The following ANPEP variants were observed in gnomAD, a reference collection of about 807,000 sequenced individuals.
The protein encoded by ANPEP is alanyl aminopeptidase, membrane.
Under a neutral mutation model 114.6 loss-of-function variants are expected in ANPEP, and 70 were observed. The ratio of observed to expected loss-of-function variants is 0.61; its 90% confidence interval spans 0.50 to 0.75. ANPEP has a LOEUF of 0.75. ANPEP is among the 30% of genes least tolerant of loss of function. The pLI, the probability that ANPEP is intolerant of heterozygous loss-of-function variation, is 0.00. For synonymous variants in ANPEP, 548 were observed against 522.3 expected (o/e 1.05, Z -0.67); for missense variants, 1,184 against 1,259.5 (o/e 0.94, Z 0.91).
chr15:89,797,474 T>C, intron 15 of ANPEP, 101 bp downstream of exon 15: 2 of 1,439,350 alleles, frequency 1.4e-6, no homozygotes, highest in Non-Finnish European at 1.8e-6. Flanking sequence ...GAAGGTTCCC[T>C]GACCAGGAGT....
In ANPEP at chr15:89,803,392, G is replaced by C. The variant is rs1894635365; in HGVS notation, c.1503+50C>G. 6.2e-7 allele frequency: 1 copy of C among 1,612,844 alleles called. No homozygotes were observed. Among genetic ancestry groups the C allele is most frequent in the African/African-American group, 1.3e-5 (1 of 75,028 alleles). On this transcript the variant is annotated intron_variant, in intron 9 of 20. Transcript: ENST00000300060. This position sits in a 1 kb window ranked among gnomAD's most constrained non-coding sequence, Gnocchi z 4.2. ...GGGCAGAGGCCCGGGTCAAGGGCGAGGGGCAGAAGGAGACCCACCCTCATG... is the reference window on the plus strand; with the variant it reads ...GGGCAGAGGCCCGGGTCAAGGGCGACGGGCAGAAGGAGACCCACCCTCATG...
chr15:89,805,566 C>A, intron 2 of ANPEP, 103 bp from the exon 3 acceptor site: 1 of 1,467,184 alleles, frequency 6.8e-7, no homozygotes, highest in Non-Finnish European at 9.2e-7. Context: ...TGGAAGGCTG[C>A]CCCAGCCTAA....
intron 14 of ANPEP, among the ~76,000 whole-genome samples, 172 bp from the exon 15 acceptor site, chr15:89,797,894 A>G (rs780820043): frequency 2.0e-5 from 3 of 152,188 alleles, no homozygotes; most frequent in Non-Finnish European, 4.4e-5. Context: ...TTTGCCATGG[A>G]AAAAGAGCTA....
At chr15:89,785,839 G>T (rs757595644) in intron 20 of ANPEP, among the ~76,000 whole-genome samples, 1 of 152,064 alleles carries the variant, frequency 6.6e-6, no homozygotes, top group Non-Finnish European at 1.5e-5. Flanking sequence ...TACCACAAAT[G>T]ATCCAGTTGC....
chr15:89,786,179 A>G (rs1314994302), intron 20 of ANPEP, among the ~76,000 whole-genome samples: 1 of 152,204 alleles, frequency 6.6e-6, no homozygotes, highest in South Asian at 2.1e-4. Context: ...CAAGAATAAA[A>G]TATTTAGGAA....
chr15:89,804,971 C>T, intron 4 of ANPEP, 107 bp downstream of exon 4: 1 of 1,516,514 alleles, frequency 6.6e-7, no homozygotes, highest in Non-Finnish European at 9.0e-7. Context: ...GGTGGGATTC[C>T]AACCCTGGCC....
chr15:89,804,931 G>C (rs1894677799), intron 4 of ANPEP, 147 bp downstream of exon 4: 1 of 1,190,484 alleles, frequency 8.4e-7, no homozygotes, highest in Non-Finnish European at 1.2e-6. Flanking sequence ...GAGAACCAGA[G>C]AACAAGACAC....
intron 1 of ANPEP, among the ~76,000 whole-genome samples, chr15:89,812,688 G>T (rs1894836857): frequency 6.6e-6 from 1 of 151,902 alleles, no homozygotes; most frequent in African/African-American, 2.4e-5. Context: ...GTGAAACTGA[G>T]CACCTACTAT....
Position 89,803,643 on chromosome 15 carries a change from G to A in ANPEP, c.1437+4C>T. 6.2e-7 allele frequency: 1 copy of A among 1,610,620 alleles called. No individual in the cohort carries two copies. ...CCCCGTGCCCCACGAGGAGCGGGCT[G>A]CACCTTGCTGTAGGAGATGGCGTCA... On this transcript the variant is annotated splice_donor_region_variant and intron_variant, in intron 8 of 20. Transcript: ENST00000300060. This position sits in a 1 kb window ranked among gnomAD's most constrained non-coding sequence, Gnocchi z 4.2.
intron 1 of ANPEP, among the ~76,000 whole-genome samples, chr15:89,811,378 G>T (rs1412272492): frequency 6.6e-6 from 1 of 152,094 alleles, no homozygotes; most frequent in Non-Finnish European, 1.5e-5. Context: ...CGGGCGTGTT[G>T]GCTCATGCTT....
chr15:89,796,865 C>T (rs751142283), intron 15 of ANPEP, among the ~76,000 whole-genome samples: 1 of 152,168 alleles, frequency 6.6e-6, no homozygotes, highest in African/African-American at 2.4e-5. Flanking sequence ...ATATCACACC[C>T]TGAAATGGAT....
chr15:89,805,943 C>G, intron 2 of ANPEP, 27 bp downstream of exon 2: 1 of 1,564,948 alleles, frequency 6.4e-7, no homozygotes, highest in Non-Finnish European at 8.7e-7. Context: ...CGGATCCACC[C>G]CACCGGGCAG....
At chr15:89,787,490 GA>G (rs200076681) in intron 20 of ANPEP, among the ~76,000 whole-genome samples, 1,802 of 151,738 alleles carry the variant, frequency 0.012, 34 homozygotes, top group African/African-American at 0.041. Context: ...CAACCAAAGG[GA>G]AAAAAAACAG....
intron 1 of ANPEP, among the ~76,000 whole-genome samples, chr15:89,810,364 G>A (rs1894795382): frequency 6.6e-6 from 1 of 150,546 alleles, no homozygotes; most frequent in South Asian, 2.1e-4. Context: ...GGGGGACGGT[G>A]TAAGACTCTG....
chr15:89,807,478 A>G (rs1894738450), intron 1 of ANPEP, among the ~76,000 whole-genome samples: 1 of 152,158 alleles, frequency 6.6e-6, no homozygotes, highest in Non-Finnish European at 1.5e-5. Context: ...AGGTGGGTGG[A>G]TCACGAGGTT....
In ANPEP at chr15:89,799,660, C is replaced by T; in HGVS notation, c.1820-101G>A. On this transcript the variant is annotated intron_variant, in intron 12 of 20. Transcript: ENST00000300060. This position sits in a 1 kb window ranked among gnomAD's most constrained non-coding sequence, Gnocchi z 4.2. ...CTGCCCCCGCAGCCTGGCACCACCT[C>T]ACCCTCAAGCTGCTGGGGAGACGCT... 1 of 1,534,268 alleles carries T rather than the reference C, an allele frequency of 6.5e-7. No individual in the cohort carries two copies. The highest frequency in any genetic ancestry group is 8.9e-7 in the Non-Finnish European group (1 of 1,124,314).
intron 12 of ANPEP, among the ~76,000 whole-genome samples, chr15:89,800,556 CTTTTTTTTTTTT>C (rs759889538): frequency 2.3e-4 from 29 of 124,380 alleles, no homozygotes; most frequent in Non-Finnish European, 4.3e-4. Flanking sequence ...GGATTCTCTC[CTTTTTTTTTTTT>C]TTTTTTTTTT....
rs1300455599 is a variant in ANPEP at position 89,785,302 on chromosome 15, C to T, written c.*47G>A. On this transcript the variant is annotated 3_prime_UTR_variant, in exon 21 of 21. Transcript: ENST00000300060. ...CCTGCACCAGCCGCTGGGATGGACA[C>T]ATGTGGGCACCTTGCATGGGGGCCG... is the stretch of plus-strand genomic sequence containing the variant. The T allele has an allele frequency of 6.2e-7, 1 of 1,611,588 alleles. No homozygotes were observed. The highest frequency in any genetic ancestry group is 8.5e-7 in the Non-Finnish European group (1 of 1,178,282).
chr15:89,804,122 G>C, intron 6 of ANPEP, 120 bp from the exon 7 acceptor site: 1 of 1,545,300 alleles, frequency 6.5e-7, no homozygotes, highest in Non-Finnish European at 8.9e-7. Context: ...ACACCATCGT[G>C]ACCCCTTCCT....
Sources: allele counts gnomAD v4.1 joint callset (sites outside exome capture counted in the v4.1 genomes callset), GRCh38; gene constraint gnomAD v4.1.1; non-coding constraint Gnocchi (gnomAD v3.1); transcripts MANE v1.5; gene names NCBI Gene and HGNC (gene_info 2026-07-23, HGNC 2026-07-21).